Variants in PROM2 observed in about 807,000 individuals in gnomAD.
PROM2 encodes prominin 2, also known as prominin-2.
Under a neutral mutation model 110.2 loss-of-function variants are expected in PROM2, and 90 were observed. That is an observed-to-expected ratio of 0.82 (90% CI 0.69 to 0.97). PROM2 has a LOEUF of 0.97. Among genes scored for constraint, PROM2 ranks in the 50% least tolerant of loss-of-function variants. PROM2 has a pLI of 0.00. For missense variants in PROM2, 1,009 were observed against 1,074.8 expected, an observed-to-expected ratio of 0.94 and a Z score of 0.86; for synonymous variants, 470 against 467.8, an observed-to-expected ratio of 1.00 and a Z score of -0.06.
Position 95,285,065 on chromosome 2 carries a change from C to T in PROM2, c.1825C>T (p.Leu609=). The T allele has an allele frequency of 1.3e-6, 2 of 1,595,236 alleles. No individual in the cohort carries two copies. Among genetic ancestry groups the T allele is most frequent in the Non-Finnish European group, 1.7e-6 (2 of 1,169,966 alleles). The change falls in exon 15 of 24, where the codon CTG becomes TTG. Residue 609 remains leucine (L), a synonymous_variant. Transcript: ENST00000317620. ...SSAARRDLEA[L]QSSGLQRIHY... ...AGCCGCCCGCCGGGACCTGGAGGCC[C>T]TGCAGAGCAGTGGGCTTCAGCGCAT...
chr2:95,281,851 G>T, intron 12 of PROM2, 74 bp from the exon 13 acceptor site: 1 of 1,030,550 alleles, frequency 9.7e-7, no homozygotes, highest in Non-Finnish European at 1.5e-6. Context: ...GCAGCACAGG[G>T]CCAGGCCCTA....
At chr2:95,288,409 G>C (rs1279786145) in intron 21 of PROM2, 74 bp from the exon 22 acceptor site, 19 of 1,585,698 alleles carry the variant, frequency 1.2e-5, no homozygotes, top group Non-Finnish European at 1.6e-5. Flanking sequence ...CTCTGCCCCG[G>C]CTCTGATGAC....
intron 16 of PROM2, among the ~76,000 whole-genome samples, chr2:95,286,056 C>G (rs1437459191): frequency 6.6e-6 from 1 of 152,214 alleles, no homozygotes; most frequent in East Asian, 1.9e-4. Flanking sequence ...GTGGGATTTG[C>G]TGGGACAGGT....
rs920216720 is a variant in PROM2 at position 95,291,254 on chromosome 2, G to A, written c.*2041G>A. 10 of 152,006 alleles carry A rather than the reference G, an allele frequency of 6.6e-5. No individual in the cohort carries two copies. Among genetic ancestry groups the A allele is most frequent in the Admixed American group, 6.5e-5 (1 of 15,268 alleles). 9.4% of individuals were successfully genotyped at this position (152,006 alleles called of 1,614,324 possible). A position where few individuals can be genotyped will look rare whatever the true frequency, so the allele number is the denominator to read the frequency against. On this transcript the variant is annotated 3_prime_UTR_variant, in exon 24 of 24. Coordinates refer to ENST00000317620, the MANE Select transcript of PROM2 (RefSeq NM_001165978.3). ...TCATCTGTTGACCTACCTGGGGGAA[G>A]TAGCACCCTTGCATTTCAAAAATAA...
chr2:95,281,949 C>T lies in PROM2; in HGVS notation c.1576C>T (p.Pro526Ser), dbSNP rs1242200245. The T allele has an allele frequency of 1.9e-6, 3 of 1,613,994 alleles. No individual in the cohort carries two copies. The highest frequency in any genetic ancestry group is 1.3e-5 in the African/African-American group (1 of 74,910). The change falls in exon 13 of 24, where the codon CCC (proline) becomes TCC (serine). Residue 526 changes from proline to serine, a missense_variant. Pro to Ser is a moderately conservative substitution (Grantham distance 74, BLOSUM62 -1). Coordinates refer to ENST00000317620, the MANE Select transcript of PROM2 (RefSeq NM_001165978.3). ...GTTTGCAGACACCCCAGGGAACCTGCCCCCGTCCATGAACCTGTCGCAACT... is the reference window on the plus strand; with the variant it reads ...GTTTGCAGACACCCCAGGGAACCTGTCCCCGTCCATGAACCTGTCGCAACT... ...FEFADTPGNL[P>S]PSMNLSQLLG...
rs760085838 is a variant in PROM2 at position 95,274,584 on chromosome 2, C to G, written c.-2C>G. On this transcript the variant is annotated 5_prime_UTR_variant, in exon 1 of 24. Coordinates refer to ENST00000317620, the MANE Select transcript of PROM2 (RefSeq NM_001165978.3). The stretch of plus-strand genomic sequence containing the variant: ...GCCTGAGCCCCTTACCTTCCTGACC[C>G]CATGAAGCACACACTGGCTCTGCTG... The G allele has an allele frequency of 6.3e-7, 1 of 1,577,800 alleles. No individual in the cohort carries two copies. The highest frequency in any genetic ancestry group is 2.3e-5 in the East Asian group (1 of 44,194).
chr2:95,288,823 C>A (rs1361525500), intron 22 of PROM2, 110 bp from the exon 23 acceptor site: 3 of 1,142,026 alleles, frequency 2.6e-6, no homozygotes, highest in African/African-American at 3.0e-5. Flanking sequence ...CCCTTCCCAT[C>A]CCCCACAGGG....
At chr2:95,288,875 G>C (rs1288274727) in intron 22 of PROM2, 58 bp from the exon 23 acceptor site, 1 of 1,540,382 alleles carries the variant, frequency 6.5e-7, no homozygotes, top group African/African-American at 1.4e-5. Context: ...TTGTCCCTGT[G>C]TCAGGGCTGA....
intron 22 of PROM2, among the ~76,000 whole-genome samples, 168 bp downstream of exon 22, chr2:95,288,757 C>A (rs750436953): frequency 2.0e-5 from 3 of 152,222 alleles, no homozygotes; most frequent in Admixed American, 6.5e-5. Flanking sequence ...GAAGTTCTCC[C>A]GTATGTCTGC....
In PROM2 at chr2:95,276,074, C is replaced by G. The variant is rs1166989299; in HGVS notation, c.439C>G (p.Leu147Val). 1 of 1,611,354 alleles carries G rather than the reference C, an allele frequency of 6.2e-7. No individual in the cohort carries two copies. The highest frequency in any genetic ancestry group is 2.2e-5 in the East Asian group (1 of 44,872). Residue 147 changes from leucine to valine, a missense_variant, in exon 3 of 24, where the codon CTG (leucine) becomes GTG (valine). By Grantham distance (32) the Leu-to-Val change is conservative (BLOSUM62 1). Transcript: ENST00000317620. This position sits in a 1 kb window ranked among gnomAD's most constrained non-coding sequence, Gnocchi z 4.6. ...GGRVKTEHKA[L>V]ACERAALMVF... ...ACGAGTGAAGACAGAGCACAAGGCG[C>G]TGGCCTGTGAGCGCGCGGCCCTCAT...
intron 14 of PROM2, among the ~76,000 whole-genome samples, chr2:95,284,592 G>T (rs887316683): frequency 1.3e-5 from 2 of 152,186 alleles, no homozygotes; most frequent in Non-Finnish European, 2.9e-5. Context: ...ACCGGCAGCC[G>T]TTTCTGGGGA....
Position 95,282,219 on chromosome 2 carries a change from T to A in PROM2, c.1721T>A (p.Ile574Asn). 1 of 1,612,456 alleles carries A rather than the reference T, an allele frequency of 6.2e-7. No homozygotes were observed. Reference sequence around the variant, plus strand: ...TACGACCTGGAGGAGCACCTGGATATCAACCAGGTGAGAGAACGTTTTGGA... The same window carrying A: ...TACGACCTGGAGGAGCACCTGGATAACAACCAGGTGAGAGAACGTTTTGGA... ...DSYDLEEHLD[I>N]NQYTNKLRQE... Residue 574 changes from isoleucine to asparagine, a missense_variant, in exon 14 of 24, where the codon ATC becomes AAC. Transcript: ENST00000317620.
intron 8 of PROM2, chr2:95,278,347 A>G (rs1482865142): frequency 1.9e-6 from 1 of 522,870 alleles, no homozygotes; most frequent in Non-Finnish European, 3.5e-6. Context: ...AGCTGGGGAA[A>G]TGATGAGTCA....
In PROM2 at chr2:95,289,248, G is replaced by C. The variant is rs1373038072; in HGVS notation, c.*35G>C. 1 of 555,898 alleles carries C rather than the reference G, an allele frequency of 1.8e-6. No homozygotes were observed. The highest frequency in any genetic ancestry group is 3.2e-6 in the Non-Finnish European group (1 of 308,686). 34.4% of individuals were successfully genotyped at this position (555,898 alleles called of 1,614,324 possible). A position where few individuals can be genotyped will look rare whatever the true frequency, so the allele number is the denominator to read the frequency against. On this transcript the variant is annotated 3_prime_UTR_variant, in exon 24 of 24. Transcript: ENST00000317620. Reference sequence around the variant, plus strand: ...GGGTGAGGTGACCCTGAGGCTGCCTGTCCTCCCCTTTGATTTAGCCTGGGC... The same window carrying C: ...GGGTGAGGTGACCCTGAGGCTGCCTCTCCTCCCCTTTGATTTAGCCTGGGC...
chr2:95,275,357 G>A lies in PROM2; in HGVS notation c.245-104G>A. 9.0e-7 allele frequency: 1 copy of A among 1,113,446 alleles called. No individual in the cohort carries two copies. Among genetic ancestry groups the A allele is most frequent in the Non-Finnish European group, 1.3e-6 (1 of 764,388 alleles). The allele number at this position is 1,113,446 out of a possible 1,614,324, so 69.0% of individuals were successfully genotyped here. ...CTGCGAGGGTGCCATGGTGGTGGCA[G>A]GAGCCCTGCCTCAGAGCCACTTTGC... On this transcript the variant is annotated intron_variant, in intron 1 of 23. Coordinates refer to ENST00000317620, the MANE Select transcript of PROM2 (RefSeq NM_001165978.3). This position sits in a 1 kb window ranked among gnomAD's most constrained non-coding sequence, Gnocchi z 4.4.
rs370845118 is a variant in PROM2, at chr2:95,282,139, C to A, written c.1644-3C>A. ...ATCGTCTGCACCCCTCACTCCTCCTCAGGCAGTGCAAGGAAGGGGCAGCGC... is the reference window on the plus strand; with the variant it reads ...ATCGTCTGCACCCCTCACTCCTCCTAAGGCAGTGCAAGGAAGGGGCAGCGC... On this transcript the variant is annotated splice_polypyrimidine_tract_variant and splice_region_variant and intron_variant, in intron 13 of 23. Coordinates refer to ENST00000317620, the MANE Select transcript of PROM2 (RefSeq NM_001165978.3). The A allele has an allele frequency of 9.3e-6, 15 of 1,613,640 alleles. No individual in the cohort carries two copies. Among genetic ancestry groups the A allele is most frequent in the African/African-American group, 1.3e-5 (1 of 74,904 alleles).
rs1273287883 is a variant in PROM2, at chr2:95,287,370, G to A, written c.2176-26G>A. ...CACTGCTGCTTCTGGGACCCCTACA[G>A]CTCAGACCTCCTTTCCTTCCTGCAG... is the stretch of plus-strand genomic sequence containing the variant. On this transcript the variant is annotated intron_variant, in intron 19 of 23. Transcript: ENST00000317620. 6 of 1,613,742 alleles carry A rather than the reference G, an allele frequency of 3.7e-6. No individual in the cohort carries two copies. In the South Asian group the frequency reaches 5.5e-5, roughly 15 times the overall value.
intron 14 of PROM2, among the ~76,000 whole-genome samples, chr2:95,283,618 C>T (rs1677170951): frequency 6.6e-6 from 1 of 152,218 alleles, no homozygotes; most frequent in African/African-American, 2.4e-5. Flanking sequence ...CCAAGCTGGG[C>T]TGCAGTCTCT....
chr2:95,282,192 C>T lies in PROM2; in HGVS notation c.1694C>T (p.Ser565Phe). Residue 565 changes from serine (S) to phenylalanine (F), a missense_variant, in exon 14 of 24, where the codon TCC (serine) becomes TTC (phenylalanine). Transcript: ENST00000317620. ...ALWTVLQLND[S>F]YDLEEHLDIN... ...TGGACAGTCCTGCAGCTCAACGACT[C>T]CTACGACCTGGAGGAGCACCTGGAT... 8 of 1,614,010 alleles carry T rather than the reference C, an allele frequency of 5.0e-6. No individual in the cohort carries two copies. The highest frequency in any genetic ancestry group is 6.8e-6 in the Non-Finnish European group (8 of 1,179,988).
Sources: allele counts gnomAD v4.1 joint callset (sites outside exome capture counted in the v4.1 genomes callset), GRCh38; gene constraint gnomAD v4.1.1; non-coding constraint Gnocchi (gnomAD v3.1); transcripts MANE v1.5; gene names NCBI Gene and HGNC (gene_info 2026-07-23, HGNC 2026-07-21).